The following FRMD5 variants were observed in gnomAD, a reference collection of about 807,000 sequenced individuals.
The protein encoded by FRMD5 is FERM domain containing 5.
Under a neutral mutation model 69.0 loss-of-function variants are expected in FRMD5, and 20 were observed. That is an observed-to-expected ratio of 0.29 (90% CI 0.20 to 0.42). The LOEUF is 0.42. FRMD5 is among the 10% of genes least tolerant of loss of function. The pLI is 1.00. For synonymous variants in FRMD5, 271 were observed against 260.1 expected, an observed-to-expected ratio of 1.04 and a Z score of -0.40; for missense variants, 595 against 708.6, an observed-to-expected ratio of 0.84 and a Z score of 1.82.
intron 13 of FRMD5, among the ~76,000 whole-genome samples, chr15:43,882,163 C>T (rs991653162): frequency 2.8e-4 from 42 of 152,274 alleles, no homozygotes; most frequent in African/African-American, 9.6e-4. Context: ...ATTCCAAGAG[C>T]GCCTCCTAAC....
intron 1 of FRMD5, among the ~76,000 whole-genome samples, chr15:44,041,538 C>T (rs1001740344): frequency 1.3e-5 from 2 of 152,170 alleles, no homozygotes; most frequent in African/African-American, 4.8e-5. Context: ...AAGTAAAACA[C>T]TCCTCAGCAA....
intron 1 of FRMD5, chr15:43,989,813 A>G (rs559326446): frequency 2.5e-4 from 261 of 1,030,852 alleles, no homozygotes; most frequent in Non-Finnish European, 3.7e-4. Flanking sequence ...AAGATCTCCA[A>G]CATGATCTGG....
At chr15:44,097,168 C>CAG (rs1301648136) in intron 1 of FRMD5, among the ~76,000 whole-genome samples, 3 of 152,036 alleles carry the variant, frequency 2.0e-5, no homozygotes, top group Non-Finnish European at 4.4e-5. Flanking sequence ...ACAAGAAGTC[C>CAG]AACAAAACCA....
At chr15:44,050,116 A>G (rs944438430) in intron 1 of FRMD5, among the ~76,000 whole-genome samples, 10 of 152,180 alleles carry the variant, frequency 6.6e-5, no homozygotes, top group African/African-American at 2.2e-4. Context: ...AATATAAACC[A>G]TATCTTTCAC....
intron 1 of FRMD5, among the ~76,000 whole-genome samples, chr15:43,959,063 C>A (rs556295765): frequency 2.0e-5 from 3 of 152,214 alleles, no homozygotes; most frequent in Non-Finnish European, 2.9e-5. Context: ...TTCCCTCCCC[C>A]ACAGATTACT....
At chr15:43,888,752 A>G in intron 9 of FRMD5, 57 bp downstream of exon 9, 1 of 1,478,688 alleles carries the variant, frequency 6.8e-7, no homozygotes, top group South Asian at 1.1e-5. Flanking sequence ...GGCTCTGGCC[A>G]CCAGGAAGCA....
chr15:44,045,416 C>A lies in FRMD5; in HGVS notation c.103-121107G>T, dbSNP rs1892383808. Among the ~76,000 whole-genome samples, 3 of 152,214 alleles carry A rather than the reference C, an allele frequency of 2.0e-5. No individual in the cohort carries two copies. The South Asian group carries it at 6.2e-4, about 32-fold the overall frequency. ...CTGTTAAGTTCTGACATTCACTTCC[C>A]CTCTCTGGAGTATCTTGACTACACT... is the stretch of plus-strand genomic sequence containing the variant. On this transcript the variant is annotated intron_variant, in intron 1 of 13. Coordinates refer to ENST00000417257, the MANE Select transcript of FRMD5 (RefSeq NM_032892.5).
At chr15:44,004,428 A>AT (rs1890346276) in intron 1 of FRMD5, among the ~76,000 whole-genome samples, 2 of 151,934 alleles carry the variant, frequency 1.3e-5, no homozygotes, top group African/African-American at 2.4e-5. Context: ...TACTAGCACC[A>AT]TTTTTCCAAT....
At chr15:43,925,514 C>T (rs1428897586) in intron 1 of FRMD5, among the ~76,000 whole-genome samples, 1 of 152,146 alleles carries the variant, frequency 6.6e-6, no homozygotes, top group Non-Finnish European at 1.5e-5. Context: ...AATTATTTAC[C>T]CAGTTCCATA....
chr15:44,089,736 A>G (rs536479982), intron 1 of FRMD5, among the ~76,000 whole-genome samples: 126 of 152,102 alleles, frequency 8.3e-4, no homozygotes, highest in African/African-American at 3.0e-3. Flanking sequence ...AATAGAAGGC[A>G]TTTTATTTGG....
chr15:44,038,002 T>A (rs1891999940), intron 1 of FRMD5, among the ~76,000 whole-genome samples: 3 of 152,240 alleles, frequency 2.0e-5, no homozygotes, highest in South Asian at 2.1e-4. Context: ...CTAACTGGTG[T>A]GAGATGTTAT....
chr15:44,174,618 C>A (rs2077861786), intron 1 of FRMD5, among the ~76,000 whole-genome samples: 3 of 152,136 alleles, frequency 2.0e-5, no homozygotes, highest in Admixed American at 2.0e-4. Flanking sequence ...CCATATACTA[C>A]TTTTCAATGT....
intron 1 of FRMD5, among the ~76,000 whole-genome samples, chr15:43,935,880 G>A (rs2089752756): frequency 6.6e-6 from 1 of 152,192 alleles, no homozygotes; most frequent in Non-Finnish European, 1.5e-5. Flanking sequence ...AAACCATTGG[G>A]AAAAACACTC....
At chr15:44,105,086 C>CTTTTTT (rs71299549) in intron 1 of FRMD5, among the ~76,000 whole-genome samples, 5 of 136,930 alleles carry the variant, frequency 3.7e-5, no homozygotes, top group Non-Finnish European at 6.2e-5. Flanking sequence ...AAATTCTTTT[C>CTTTTTT]TTTTTTTTTT....
rs1423142681 is a variant in FRMD5 at position 43,874,113 on chromosome 15, A to T, written c.1485T>A (p.Asn495Lys). The stretch of plus-strand genomic sequence containing the variant: ...AACGGAGGACACTTAGAACAAACTT[A>T]TTCACCTGTTCCTCCTCGGGCCCGC... ...GHSGPEEEQVNKFVLSVLRLL... is the reference protein window; with the variant it reads ...GHSGPEEEQVKKFVLSVLRLL... Residue 495 changes from asparagine to lysine, a missense_variant, in exon 14 of 14, where the codon AAT (asparagine) becomes AAA (lysine). Coordinates refer to ENST00000417257, the MANE Select transcript of FRMD5 (RefSeq NM_032892.5). 9 of 1,614,180 alleles carry T rather than the reference A, an allele frequency of 5.6e-6. No individual in the cohort carries two copies. The highest frequency in any genetic ancestry group is 7.6e-6 in the Non-Finnish European group (9 of 1,180,028).
intron 1 of FRMD5, among the ~76,000 whole-genome samples, chr15:44,019,486 A>C (rs1891113002): frequency 6.6e-6 from 1 of 151,566 alleles, no homozygotes; most frequent in African/African-American, 2.4e-5. Flanking sequence ...CTGTAACCTC[A>C]ACACTTTGCA....
In FRMD5 at chr15:44,160,068, G is replaced by A. The variant is rs1342661375; in HGVS notation, c.102+34885C>T. Among the ~76,000 whole-genome samples, 8 of 152,260 alleles carry A rather than the reference G, an allele frequency of 5.3e-5. No homozygotes were observed. In the East Asian group the frequency reaches 1.5e-3, roughly 29 times the overall value. On this transcript the variant is annotated intron_variant, in intron 1 of 13. Transcript: ENST00000417257. ...TTTAGTTCTCATAGAAATAACTGGG[G>A]AAGTGCCAGGCACAGTGGCTCACGC...
chr15:44,000,960 C>T (rs571743706), intron 1 of FRMD5, among the ~76,000 whole-genome samples: 1 of 152,184 alleles, frequency 6.6e-6, no homozygotes, highest in African/African-American at 2.4e-5. Context: ...ACTATAGGTG[C>T]GAGCCACCAT....
chr15:43,955,293 T>C (rs72716043), intron 1 of FRMD5, among the ~76,000 whole-genome samples: 4,512 of 152,280 alleles, frequency 0.03, 86 homozygotes, highest in Non-Finnish European at 0.048. Flanking sequence ...ACATGCACAG[T>C]TATGTGCTCC....
Sources: gnomAD v4.1 joint callset for allele counts (sites outside exome capture counted in the v4.1 genomes callset) on GRCh38, gnomAD v4.1.1 for gene constraint, MANE v1.5 for transcripts, NCBI Gene and HGNC (gene_info 2026-07-23, HGNC 2026-07-21) for gene names.